Variants in TVP23C observed in about 807,000 individuals in gnomAD.
TVP23C encodes Golgi apparatus membrane protein TVP23 homolog C.
In TVP23C, 19 loss-of-function variants were observed where a neutral mutation model predicts 28.7. The observed-to-expected ratio is 0.66, with a 90% CI of 0.46 to 0.97. The LOEUF (loss-of-function observed/expected upper bound fraction) is 0.97, where lower values mean the gene tolerates loss of function less well. Ranked by LOEUF, TVP23C falls within the 50% of genes least tolerant of loss-of-function variation. The pLI, the probability that TVP23C is intolerant of heterozygous loss-of-function variation, is 0.00. For synonymous variants in TVP23C, 68 were observed against 81.7 expected (o/e 0.83, Z 0.90); for missense variants, 186 against 241.3 (o/e 0.77, Z 1.52).
chr17:15,549,586 G>A (rs367814503), intron 3 of TVP23C, among the ~76,000 whole-genome samples: 1 of 151,962 alleles, frequency 6.6e-6, no homozygotes, highest in Non-Finnish European at 1.5e-5. Flanking sequence ...GGGTGAGGCA[G>A]GAGAATCACT....
chr17:15,539,369 A>G lies in TVP23C; in HGVS notation c.*1043T>C. The G allele has an allele frequency of 1.2e-6, 1 of 855,604 alleles. No individual in the cohort carries two copies. 53.0% of individuals were successfully genotyped at this position (855,604 alleles called of 1,614,324 possible). A position where few individuals can be genotyped will look rare whatever the true frequency, so the allele number is the denominator to read the frequency against. On this transcript the variant is annotated 3_prime_UTR_variant, in exon 6 of 6. Transcript: ENST00000518321. The stretch of plus-strand genomic sequence containing the variant: ...ACGCCTGTAATCCCAGCACTTTGGG[A>G]GGCGGAGGCAGGCGGATCACGAGGT...
intron 5 of TVP23C, among the ~76,000 whole-genome samples, chr17:15,513,051 C>T (rs1982068724): frequency 6.6e-6 from 1 of 152,176 alleles, no homozygotes; most frequent in South Asian, 2.1e-4. Context: ...AACACAGTAA[C>T]TTTCTGTTCT....
At chr17:15,507,341 G>C in intron 5 of TVP23C, 1 of 750,770 alleles carries the variant, frequency 1.3e-6, no homozygotes, top group South Asian at 1.4e-5. Context: ...TTGCTGACTG[G>C]ACAACTCTAA....
At chr17:15,531,271 G>T (rs1295828804) in intron 5 of TVP23C, among the ~76,000 whole-genome samples, 1 of 152,078 alleles carries the variant, frequency 6.6e-6, no homozygotes, top group Non-Finnish European at 1.5e-5. Context: ...ATTGTAATGT[G>T]TTTAGTAATA....
intron 1 of TVP23C, among the ~76,000 whole-genome samples, chr17:15,559,455 A>AT (rs1984282304): frequency 6.7e-6 from 1 of 149,050 alleles, no homozygotes; most frequent in Non-Finnish European, 1.5e-5. Context: ...GCTAAACGAC[A>AT]TTTTAAGATG....
chr17:15,522,974 C>T (rs540713072), intron 5 of TVP23C, among the ~76,000 whole-genome samples: 87 of 152,238 alleles, frequency 5.7e-4, no homozygotes, highest in Non-Finnish European at 1.1e-3. Context: ...AAACAAAAAA[C>T]TCCCTAAACA....
chr17:15,509,164 G>C (rs916622316), intron 5 of TVP23C, among the ~76,000 whole-genome samples: 6 of 152,174 alleles, frequency 3.9e-5, no homozygotes, highest in African/African-American at 1.2e-4. Context: ...CTGGTTTCAG[G>C]GAGGTTTTCT....
rs1467812252 is a variant in TVP23C, at chr17:15,539,846, C to A, written c.*566G>T. ...CGGTGGCTCACGCCTGTAATCCCAG[C>A]ACTTTGGGAGGCTGAGGTGGGCAGA... On this transcript the variant is annotated 3_prime_UTR_variant, in exon 6 of 6. Coordinates refer to ENST00000518321, the MANE Select transcript of TVP23C (RefSeq NM_001135036.2). The A allele has an allele frequency of 5.3e-6, 5 of 941,054 alleles. No homozygotes were observed. The highest frequency in any genetic ancestry group is 6.3e-6 in the Non-Finnish European group (5 of 789,496). 58.3% of individuals were successfully genotyped at this position (941,054 alleles called of 1,614,324 possible).
chr17:15,505,561 T>A (rs1981686617), intron 5 of TVP23C, among the ~76,000 whole-genome samples: 1 of 152,164 alleles, frequency 6.6e-6, no homozygotes, highest in African/African-American at 2.4e-5. Context: ...CCGCTTGCTC[T>A]CGGAACCTCC....
At chr17:15,513,615 A>G (rs973775888) in intron 5 of TVP23C, among the ~76,000 whole-genome samples, 1 of 152,178 alleles carries the variant, frequency 6.6e-6, no homozygotes, top group Admixed American at 6.5e-5. Flanking sequence ...TGACAGTTTG[A>G]GGATTCTCTT....
intron 5 of TVP23C, among the ~76,000 whole-genome samples, chr17:15,505,777 GC>G (rs1010456511): frequency 9.5e-5 from 14 of 147,312 alleles, no homozygotes; most frequent in African/African-American, 3.3e-4. Flanking sequence ...GGCTTGGCGG[GC>G]CCCGCACTCG....
downstream of TVP23C, among the ~76,000 whole-genome samples, chr17:15,536,164 T>C (rs1328103581): frequency 6.6e-6 from 1 of 151,962 alleles, no homozygotes; most frequent in Non-Finnish European, 1.5e-5. Flanking sequence ...CACTCCAGCC[T>C]GGGTGACAAG....
intron 5 of TVP23C, among the ~76,000 whole-genome samples, chr17:15,542,695 T>C (rs1322639232): frequency 6.6e-6 from 1 of 152,118 alleles, no homozygotes; most frequent in Admixed American, 6.5e-5. Context: ...CAGGATGGTC[T>C]CGATCTCCTG....
intron 5 of TVP23C, among the ~76,000 whole-genome samples, chr17:15,515,243 C>T (rs9901555): frequency 0.78 from 118,151 of 152,056 alleles, 46,836 homozygotes; most frequent in Middle Eastern, 0.89. Context: ...ATCCAGAACT[C>T]AGCCTGGAAC....
chr17:15,562,812 C>CCTAT (rs1251820329), intron 1 of TVP23C: 1 of 152,308 alleles, frequency 6.6e-6, no homozygotes, highest in African/African-American at 2.4e-5. Flanking sequence ...TGGTCACAAC[C>CCTAT]CTATCCCTGG....
At chr17:15,530,030 C>G (rs1205659247) in intron 5 of TVP23C, among the ~76,000 whole-genome samples, 1 of 152,136 alleles carries the variant, frequency 6.6e-6, no homozygotes, top group Non-Finnish European at 1.5e-5. Flanking sequence ...AACTCCTGAC[C>G]TCAAGTGATC....
chr17:15,519,941 T>C (rs573290402), intron 5 of TVP23C, among the ~76,000 whole-genome samples: 1 of 152,298 alleles, frequency 6.6e-6, no homozygotes, highest in African/African-American at 2.4e-5. Flanking sequence ...GGTTAACAGC[T>C]GCCTTTTATG....
chr17:15,535,542 C>A (rs1364232519), downstream of TVP23C, among the ~76,000 whole-genome samples: 2 of 151,796 alleles, frequency 1.3e-5, no homozygotes, highest in Non-Finnish European at 2.9e-5. Context: ...GTGCTCCATC[C>A]AAATTCCTGT....
intron 5 of TVP23C, among the ~76,000 whole-genome samples, chr17:15,513,533 C>T (rs955295144): frequency 1.3e-5 from 2 of 152,136 alleles, no homozygotes; most frequent in African/African-American, 4.8e-5. Flanking sequence ...TAGCAAGGGA[C>T]CAAGATTTAT....
Sources: allele counts gnomAD v4.1 joint callset (sites outside exome capture counted in the v4.1 genomes callset), GRCh38; gene constraint gnomAD v4.1.1; transcripts MANE v1.5; gene names NCBI Gene and HGNC (gene_info 2026-07-23, HGNC 2026-07-21).